The following NCAPD3 variants were observed in gnomAD, a reference collection of about 807,000 sequenced individuals.
NCAPD3 encodes condensin-2 complex subunit D3.
A neutral mutation model predicts 182.9 loss-of-function variants in NCAPD3; 105 were observed. That is an observed-to-expected ratio of 0.57 (90% CI 0.49 to 0.68). The LOEUF (loss-of-function observed/expected upper bound fraction) is 0.68. Ranked by LOEUF, NCAPD3 falls within the 30% of genes least tolerant of loss-of-function variation. The pLI is 0.00. For missense variants in NCAPD3, 1,944 were observed against 1,837.0 expected, an observed-to-expected ratio of 1.06 and a Z score of -1.07; for synonymous variants, 815 against 679.9, an observed-to-expected ratio of 1.20 and a Z score of -3.09.
chr11:134,223,491 A>C, intron 1 of NCAPD3: 1 of 702,416 alleles, frequency 1.4e-6, no homozygotes, highest in East Asian at 2.7e-5. Flanking sequence ...ACCTATGAAC[A>C]TGAAGTTCAA....
chr11:134,192,866 C>A lies in NCAPD3; in HGVS notation c.1868G>T (p.Gly623Val), dbSNP rs748639067. 2 of 1,614,004 alleles carry A rather than the reference C, an allele frequency of 1.2e-6. No homozygotes were observed. Among genetic ancestry groups the A allele is most frequent in the Non-Finnish European group, 1.7e-6 (2 of 1,179,884 alleles). Residue 623 changes from glycine to valine, a missense_variant, in exon 16 of 35, where the codon GGG becomes GTG. By Grantham distance (109) the Gly-to-Val change is moderately radical. Around this residue, in one of 3 missense-constraint regions of NCAPD3, gnomAD observed 1,803 missense variants for 1,674.6 expected, o/e 1.08. Coordinates refer to ENST00000534548, the MANE Select transcript of NCAPD3 (RefSeq NM_015261.3). ...GCAGTCCATCACCACCGGGACCACC[C>A]CCCGCAACCAGGCTTTCTGGATCTG... The part of the protein sequence containing the change: ...CVQIQKAWLR[G>V]VVPVVMDCES...
At chr11:134,176,418 T>G in intron 23 of NCAPD3, 32 bp from the exon 24 acceptor site, 4 of 1,583,762 alleles carry the variant, frequency 2.5e-6, no homozygotes, top group Non-Finnish European at 2.6e-6. Context: ...TGTTTCAGAG[T>G]GCGTCATCAT....
At chr11:134,194,287 C>A (rs1169454346) in intron 14 of NCAPD3, 137 bp from the exon 15 acceptor site, 2 of 834,786 alleles carry the variant, frequency 2.4e-6, no homozygotes, top group South Asian at 2.3e-5. Context: ...TTCCTCCTCA[C>A]AACATCCCAT....
intron 13 of NCAPD3, among the ~76,000 whole-genome samples, chr11:134,199,672 T>C (rs550665570): frequency 1.3e-5 from 2 of 152,306 alleles, no homozygotes; most frequent in Non-Finnish European, 2.9e-5. Context: ...TGTTTTGTGT[T>C]ACGTAAGTGG....
Position 134,154,480 on chromosome 11 carries a change from C to G in NCAPD3, c.4253-1117G>C, listed in dbSNP as rs905378711. On this transcript the variant is annotated intron_variant, in intron 32 of 34. Coordinates refer to ENST00000534548, the MANE Select transcript of NCAPD3 (RefSeq NM_015261.3). ...TCTGCACATTATGCTTCTCTGCACC[C>G]CCCCCCCCACCGCCCCATCTGCCTA... is the stretch of plus-strand genomic sequence containing the variant. Among the ~76,000 whole-genome samples the G allele has an allele frequency of 3.1e-4, 46 of 149,040 alleles. 3 individuals are homozygous for G. In the South Asian group the frequency reaches 7.8e-3, roughly 25 times the overall value.
At chr11:134,186,855 C>T (rs1332927612) in intron 16 of NCAPD3, among the ~76,000 whole-genome samples, 1 of 152,200 alleles carries the variant, frequency 6.6e-6, no homozygotes, top group Non-Finnish European at 1.5e-5. Flanking sequence ...AATCCATCCA[C>T]AGATGTCAAG....
chr11:134,209,760 C>T (rs1480462907), intron 4 of NCAPD3: 2 of 342,548 alleles, frequency 5.8e-6, no homozygotes, highest in East Asian at 5.7e-5. Context: ...TACCGTGTCA[C>T]ATAAGAATAT....
rs1390680207 is a variant in NCAPD3 at position 134,177,260 on chromosome 11, T to A, written c.2980A>T (p.Ile994Phe). 3 of 1,614,232 alleles carry A rather than the reference T, an allele frequency of 1.9e-6. No individual in the cohort carries two copies. The highest frequency in any genetic ancestry group is 2.2e-5 in the East Asian group (1 of 44,872). Residue 994 changes from isoleucine (I) to phenylalanine (F), a missense_variant, in exon 23 of 35, where the codon ATC becomes TTC. Physicochemically the swap from Ile to Phe is conservative, Grantham distance 21 (BLOSUM62 0). This residue lies in a region of NCAPD3 where 1,803 missense variants were observed against 1,674.6 expected (regional missense o/e 1.08). Coordinates refer to ENST00000534548, the MANE Select transcript of NCAPD3 (RefSeq NM_015261.3). The stretch of plus-strand genomic sequence containing the variant: ...AGCAAGATGAGTGTCTGCTTCCGGA[T>A]GAATGGGTCGGAATCCTTCAGACAC... ...SMCLKDSDPF[I>F]RKQTLILLTN...
chr11:134,154,959 T>C (rs1025669716), intron 32 of NCAPD3, among the ~76,000 whole-genome samples: 1 of 152,176 alleles, frequency 6.6e-6, no homozygotes, highest in African/African-American at 2.4e-5. Flanking sequence ...CACATGAAAT[T>C]CCCTTCCTGA....
chr11:134,223,416 C>T (rs1477677709), intron 1 of NCAPD3: 2 of 702,336 alleles, frequency 2.8e-6, no homozygotes, highest in Non-Finnish European at 5.2e-6. Context: ...CATTAGCAGG[C>T]TTTGGGAATC....
intron 24 of NCAPD3, among the ~76,000 whole-genome samples, chr11:134,175,075 T>C (rs1944127031): frequency 6.6e-6 from 1 of 152,198 alleles, no homozygotes; most frequent in Admixed American, 6.5e-5. Flanking sequence ...TACTACACGG[T>C]AAAGTATATC....
At position 134,151,190 on chromosome 11, in the gene NCAPD3, CTTT is replaced by C. The variant is rs368777017; in HGVS notation, c.*1751_*1753del. On this transcript the variant is annotated 3_prime_UTR_variant, in exon 35 of 35. Coordinates refer to ENST00000534548, the MANE Select transcript of NCAPD3 (RefSeq NM_015261.3). The stretch of plus-strand genomic sequence containing the variant: ...TCTTGGGTTTTTTATACTTTGACAG[CTTT>C]TTTTTAATTGCATACATGAGACTGT... The C allele has an allele frequency of 6.6e-6, 1 of 152,130 alleles. No homozygotes were observed. The highest frequency in any genetic ancestry group is 1.5e-5 in the Non-Finnish European group (1 of 68,022). 9.4% of individuals were successfully genotyped at this position (152,130 alleles called of 1,614,324 possible). A position where few individuals can be genotyped will look rare whatever the true frequency, so the allele number is the denominator to read the frequency against.
Position 134,153,193 on chromosome 11 carries a change from A to G in NCAPD3, c.4335T>C (p.Ile1445=). The part of the protein sequence containing the change: ...PRTPSSAKEK[I]EGRSQGNDIL... ...TGTCATTTCCTTGACTCCGGCCTTC[A>G]ATTTTCTCTAAAAGGGAGTCAAACA... The change falls in exon 34 of 35, where the codon ATT becomes ATC. Residue 1445 remains isoleucine, a synonymous_variant. Coordinates refer to ENST00000534548, the MANE Select transcript of NCAPD3 (RefSeq NM_015261.3). The G allele has an allele frequency of 1.9e-6, 3 of 1,614,158 alleles. No homozygotes were observed. Among genetic ancestry groups the G allele is most frequent in the East Asian group, 2.2e-5 (1 of 44,878 alleles).
intron 7 of NCAPD3, among the ~76,000 whole-genome samples, chr11:134,207,964 T>C (rs1937678334): frequency 6.6e-6 from 1 of 152,222 alleles, no homozygotes; most frequent in Non-Finnish European, 1.5e-5. Flanking sequence ...TTGTGCTCGG[T>C]AGGCGGCCTG....
At chr11:134,186,635 CT>C (rs1944411513) in intron 16 of NCAPD3, among the ~76,000 whole-genome samples, 6 of 152,198 alleles carry the variant, frequency 3.9e-5, no homozygotes, top group Admixed American at 3.9e-4. Context: ...CACTTCTTCC[CT>C]TGATTAATTT....
At chr11:134,224,904 C>G (rs946675278), upstream of NCAPD3, 1 of 201,998 alleles carries the variant, frequency 5.0e-6, no homozygotes, top group African/African-American at 2.4e-5. Context: ...GCTCGGGCGC[C>G]GCAGCCCGCA....
intron 28 of NCAPD3, 22 bp from the exon 29 acceptor site, chr11:134,160,096 C>G (rs949502752): frequency 6.2e-7 from 1 of 1,609,088 alleles, no homozygotes; most frequent in East Asian, 2.2e-5. Flanking sequence ...CCAGGAGCAT[C>G]CTTTCATGTT....
Position 134,177,447 on chromosome 11 carries a change from G to A in NCAPD3, c.2793C>T (p.Cys931=). 6.2e-7 allele frequency: 1 copy of A among 1,613,078 alleles called. No homozygotes were observed. ...TCTTTGCCAGATCCTCGTGCTGTAAGCACAGCTTACCTGGCACAGAAGACA... is the reference window on the plus strand; with the variant it reads ...TCTTTGCCAGATCCTCGTGCTGTAAACACAGCTTACCTGGCACAGAAGACA... ...AHAIITLGKL[C]LQHEDLAKKS... Residue 931 remains cysteine, a synonymous_variant, in exon 23 of 35, where the codon TGC becomes TGT. Coordinates refer to ENST00000534548, the MANE Select transcript of NCAPD3 (RefSeq NM_015261.3).
At position 134,168,925 on chromosome 11, in the gene NCAPD3, C is replaced by G. The variant is rs138414402; in HGVS notation, c.3231G>C (p.Gln1077His). The change falls in exon 25 of 35, where the codon CAG (glutamine) becomes CAC (histidine). Residue 1077 changes from glutamine to histidine, a missense_variant. Around this residue, in one of 3 missense-constraint regions of NCAPD3, gnomAD observed 1,803 missense variants for 1,674.6 expected, o/e 1.08. Transcript: ENST00000534548. ...EKHEKYNKFP[Q>H]SEREKRLFSL... ...TTAGCTGCTTCACTGACCTCTCTGA[C>G]TGGGGGAACTTGTTGTACTTCTCAT... 10 of 1,613,078 alleles carry G rather than the reference C, an allele frequency of 6.2e-6. No individual in the cohort carries two copies. Among genetic ancestry groups the G allele is most frequent in the Non-Finnish European group, 8.5e-6 (10 of 1,179,440 alleles).
Sources: gnomAD v4.1 joint callset for allele counts (sites outside exome capture counted in the v4.1 genomes callset) on GRCh38, gnomAD v4.1.1 for gene constraint, gnomAD v4.1.1 regional missense constraint, MANE v1.5 for transcripts, NCBI Gene and HGNC (gene_info 2026-07-23, HGNC 2026-07-21) for gene names.